The following CELF2 variants were observed in gnomAD, a reference collection of about 807,000 sequenced individuals.
CELF2 encodes CUGBP Elav-like family member 2, also known as CUG triplet repeat RNA-binding protein 2.
A neutral mutation model predicts 62.6 loss-of-function variants in CELF2; 8 were observed. That is an observed-to-expected ratio of 0.13 (90% CI 0.07 to 0.23). The LOEUF (loss-of-function observed/expected upper bound fraction) is 0.23, where lower values mean the gene tolerates loss of function less well. Ranked by LOEUF, CELF2 falls within the 10% of genes least tolerant of loss-of-function variation. The pLI is 1.00. For missense variants in CELF2, 333 were observed against 671.0 expected (o/e 0.50, Z 5.56); for synonymous variants, 258 against 250.0 (o/e 1.03, Z -0.30).
At chr10:10,861,896 C>A (rs1005413625) in intron 1 of CELF2, among the ~76,000 whole-genome samples, 2 of 152,092 alleles carry the variant, frequency 1.3e-5, no homozygotes, top group East Asian at 3.9e-4. Context: ...TAGAAATAAT[C>A]TTTTAAAAAC....
intron 1 of CELF2, among the ~76,000 whole-genome samples, chr10:10,830,984 G>C (rs1166231593): frequency 6.6e-6 from 1 of 152,172 alleles, no homozygotes; most frequent in Non-Finnish European, 1.5e-5. Context: ...GCTTAACTCT[G>C]CATTTGATCT....
chr10:10,858,443 TA>T, intron 1 of CELF2, among the ~76,000 whole-genome samples: 1 of 152,140 alleles, frequency 6.6e-6, no homozygotes, highest in African/African-American at 2.4e-5. Context: ...GAGACAGGCA[TA>T]ATGAGATAGA....
the CELF2 span, among the ~76,000 whole-genome samples, chr10:10,515,612 C>T: frequency 6.6e-6 from 1 of 152,118 alleles, no homozygotes; most frequent in Admixed American, 6.5e-5. Context: ...TTATTATCCC[C>T]GTTAACGCCA....
chr10:11,054,337 A>T (rs997080768), intron 1 of CELF2, among the ~76,000 whole-genome samples: 4 of 152,160 alleles, frequency 2.6e-5, no homozygotes, highest in African/African-American at 9.7e-5. Context: ...TCTCACGAGG[A>T]AGAGGCGGTT....
At chr10:10,518,110 G>A in the CELF2 span, among the ~76,000 whole-genome samples, 5 of 152,146 alleles carry the variant, frequency 3.3e-5, no homozygotes, top group African/African-American at 9.7e-5. Context: ...GTTACCAGAC[G>A]ACTTCTCAAC....
chr10:10,621,563 C>T, the CELF2 span, among the ~76,000 whole-genome samples: 1 of 152,134 alleles, frequency 6.6e-6, no homozygotes, highest in Non-Finnish European at 1.5e-5. Context: ...CAAATTTACC[C>T]CCTTTCTGAA....
chr10:11,208,986 A>G (rs567160273), intron 2 of CELF2, among the ~76,000 whole-genome samples: 3 of 152,254 alleles, frequency 2.0e-5, no homozygotes, highest in African/African-American at 4.8e-5. Flanking sequence ...TTTATTTTTT[A>G]TAGTGTTCAG....
At chr10:10,474,003 AT>A in the CELF2 span, among the ~76,000 whole-genome samples, 1 of 152,108 alleles carries the variant, frequency 6.6e-6, no homozygotes, top group Non-Finnish European at 1.5e-5. Flanking sequence ...TCCTCTTCTT[AT>A]TTTTATAACA....
rs917415430 is a variant in CELF2 at position 10,995,307 on chromosome 10, C to G, written c.89+75308C>G. Among the ~76,000 whole-genome samples, 2 of 152,038 alleles carry G rather than the reference C, an allele frequency of 1.3e-5. No homozygotes were observed. Among genetic ancestry groups the G allele is most frequent in the African/African-American group, 4.8e-5 (2 of 41,398 alleles). On this transcript the variant is annotated intron_variant, in intron 2 of 13. Coordinates refer to the CELF2 transcript ENST00000636488. The surrounding 1 kb of genome is among the most constrained non-coding windows in gnomAD (Gnocchi z 4.7). ...GGACCATATTATGACATCTTTGTAT[C>G]TCCTTTTCTCCTGAGATGATGTCAT...
intron 2 of CELF2, among the ~76,000 whole-genome samples, chr10:11,186,491 C>G (rs1269170452): frequency 6.6e-6 from 1 of 152,070 alleles, no homozygotes; most frequent in South Asian, 2.1e-4. Context: ...TACCATTTTA[C>G]CTACATCCAC....
intron 1 of CELF2, among the ~76,000 whole-genome samples, chr10:10,822,920 C>A (rs1051666091): frequency 1.3e-5 from 2 of 152,102 alleles, no homozygotes; most frequent in African/African-American, 2.4e-5. Context: ...TTATAAAGAC[C>A]ATTTCTGTAC....
intron 1 of CELF2, among the ~76,000 whole-genome samples, chr10:10,864,088 C>T (rs1196203438): frequency 6.6e-6 from 1 of 152,082 alleles, no homozygotes; most frequent in Non-Finnish European, 1.5e-5. Flanking sequence ...TTATAATTAG[C>T]ATATAATAAG....
At chr10:11,307,718 T>C (rs2094331268) in intron 9 of CELF2, among the ~76,000 whole-genome samples, 2 of 152,180 alleles carry the variant, frequency 1.3e-5, no homozygotes, top group Admixed American at 1.3e-4. Context: ...GTTTTGTGTT[T>C]TGTTTTTAAG....
chr10:10,775,359 G>A, the CELF2 span, among the ~76,000 whole-genome samples: 9 of 152,068 alleles, frequency 5.9e-5, no homozygotes, highest in Admixed American at 2.6e-4. Context: ...GGCCAGGTGC[G>A]GTGGCTCACA....
chr10:11,158,552 C>T (rs965274695), intron 1 of CELF2, among the ~76,000 whole-genome samples: 1 of 152,084 alleles, frequency 6.6e-6, no homozygotes, highest in African/African-American at 2.4e-5. Flanking sequence ...AAGCTGCTGC[C>T]TTGCTCCCTT....
At chr10:11,138,589 C>T (rs868757290) in intron 1 of CELF2, among the ~76,000 whole-genome samples, 26 of 152,288 alleles carry the variant, frequency 1.7e-4, no homozygotes, top group African/African-American at 4.8e-4. Flanking sequence ...AATTTATCAT[C>T]GAACAGTAAA....
the CELF2 span, among the ~76,000 whole-genome samples, chr10:10,749,651 T>C: frequency 1.3e-5 from 2 of 152,206 alleles, no homozygotes; most frequent in African/African-American, 4.8e-5. Context: ...AATGTATACA[T>C]GAAAAGAAGG....
At position 11,005,400 on chromosome 10, in the gene CELF2, A is replaced by G. The variant is rs1202416366; in HGVS notation, c.13A>G (p.Lys5Glu). The G allele has an allele frequency of 6.2e-7, 1 of 1,613,834 alleles. No homozygotes were observed. The highest frequency in any genetic ancestry group is 1.3e-5 in the African/African-American group (1 of 74,918). ...TCAGTATAGAAGCATGCGCTGTCCC[A>G]AATCCGCTGTTACTATGAGAAATGA... Residue 5 changes from lysine to glutamate, a missense_variant, in exon 1 of 13, where the codon AAA (lysine) becomes GAA (glutamate). Lys to Glu is a moderately conservative substitution (Grantham distance 56). Transcript: ENST00000416382. This position sits in a 1 kb window ranked among gnomAD's most constrained non-coding sequence, Gnocchi z 4.3.
intron 2 of CELF2, among the ~76,000 whole-genome samples, chr10:10,976,872 T>A (rs1328115543): frequency 6.6e-6 from 1 of 152,222 alleles, no homozygotes; most frequent in African/African-American, 2.4e-5. Context: ...TCCCCTGTCA[T>A]GTGTCGTGTC....
Sources: gnomAD v4.1 joint callset for allele counts (sites outside exome capture counted in the v4.1 genomes callset) on GRCh38, gnomAD v4.1.1 for gene constraint, Gnocchi (gnomAD v3.1) non-coding constraint, MANE v1.5 for transcripts, NCBI Gene and HGNC (gene_info 2026-07-23, HGNC 2026-07-21) for gene names.